NMD3: variants seen among roughly 807,000 people sequenced by gnomAD.
NMD3 encodes the protein 60S ribosomal export protein NMD3.
Under a neutral mutation model 73.1 loss-of-function variants are expected in NMD3, and 47 were observed. The ratio of observed to expected loss-of-function variants is 0.64; its 90% CI spans 0.51 to 0.82. NMD3 has a LOEUF of 0.82. NMD3 is among the 40% of genes least tolerant of loss of function. The probability of loss-of-function intolerance (pLI) is 0.00; values close to 1 mark genes in which losing one functional copy is unlikely to be tolerated. For missense variants in NMD3, 554 were observed against 612.5 expected, an observed-to-expected ratio of 0.90 and a Z score of 1.01; for synonymous variants, 210 against 194.5, an observed-to-expected ratio of 1.08 and a Z score of -0.66.
At chr3:161,234,202 A>G (rs766089238) in intron 5 of NMD3, among the ~76,000 whole-genome samples, 7 of 151,782 alleles carry the variant, frequency 4.6e-5, no homozygotes, top group Non-Finnish European at 1.0e-4. Flanking sequence ...GGTGGCTCAC[A>G]CCTGTGATCC....
rs1737466937 is a variant in NMD3, at chr3:161,251,001, A to G, written c.*91A>G. On this transcript the variant is annotated 3_prime_UTR_variant, in exon 16 of 16. Coordinates refer to ENST00000351193, the MANE Select transcript of NMD3 (RefSeq NM_015938.5). ...CTACTATCTTTGCCTCCAGATTTCA[A>G]GAGGAGAAATTTAGTTTTAAACCTG... 2 of 1,049,192 alleles carry G rather than the reference A, an allele frequency of 1.9e-6. No homozygotes were observed. Among genetic ancestry groups the G allele is most frequent in the Non-Finnish European group, 2.7e-6 (2 of 728,834 alleles). The allele number at this position is 1,049,192 out of a possible 1,614,324, so 65.0% of individuals were successfully genotyped here. A position where few individuals can be genotyped will look rare whatever the true frequency, so the allele number is the denominator to read the frequency against.
chr3:161,233,351 C>A, intron 4 of NMD3, 48 bp from the exon 5 acceptor site: 1 of 1,307,882 alleles, frequency 7.6e-7, no homozygotes, highest in South Asian at 1.3e-5. Context: ...TGTTTTTTTT[C>A]CTCCTAGGTG....
intron 5 of NMD3, among the ~76,000 whole-genome samples, chr3:161,234,265 A>T (rs1239429099): frequency 2.6e-5 from 4 of 151,764 alleles, no homozygotes; most frequent in Non-Finnish European, 5.9e-5. Flanking sequence ...GGAGTTCGAG[A>T]CCCCATCTCT....
chr3:161,232,112 C>G (rs1192443625), intron 4 of NMD3, among the ~76,000 whole-genome samples: 1 of 146,302 alleles, frequency 6.8e-6, no homozygotes, highest in Non-Finnish European at 1.5e-5. Flanking sequence ...AGGGGAAGAT[C>G]AGTCTTATTC....
At chr3:161,235,269 T>G in intron 7 of NMD3, 57 bp downstream of exon 7, 1 of 793,300 alleles carries the variant, frequency 1.3e-6, no homozygotes, top group South Asian at 1.7e-5. Context: ...TCAACATACC[T>G]AAGTAATCTT....
At chr3:161,230,604 T>C (rs768459719) in intron 4 of NMD3, among the ~76,000 whole-genome samples, 1 of 152,226 alleles carries the variant, frequency 6.6e-6, no homozygotes, top group African/African-American at 2.4e-5. Flanking sequence ...AATACATTTA[T>C]TTGTTAATTC....
intron 1 of NMD3, 71 bp from the exon 2 acceptor site, chr3:161,221,923 G>A: frequency 1.1e-6 from 1 of 938,788 alleles, no homozygotes; most frequent in Admixed American, 2.4e-5. Flanking sequence ...GTAAAAAGAG[G>A]AGACTAGGTA....
At chr3:161,247,480 T>G (rs932485271) in intron 13 of NMD3, 150 bp downstream of exon 13, 28 of 474,340 alleles carry the variant, frequency 5.9e-5, no homozygotes, top group African/African-American at 5.3e-4. Flanking sequence ...CAAAATTTTT[T>G]TTTTTTTTTT....
Position 161,250,709 on chromosome 3 carries a change from T to C in NMD3, c.1382-71T>C, listed in dbSNP as rs1371240034. ...TGATAAGGTAGATATTTGTATATTTTCAAATATATTTAATACTTTGTATAC... is the reference window on the plus strand; with the variant it reads ...TGATAAGGTAGATATTTGTATATTTCCAAATATATTTAATACTTTGTATAC... On this transcript the variant is annotated intron_variant, in intron 15 of 15. Transcript: ENST00000351193. The C allele has an allele frequency of 1.3e-5, 12 of 905,944 alleles. No homozygotes were observed. In the East Asian group the frequency reaches 3.3e-4, roughly 25 times the overall value. 56.1% of individuals were successfully genotyped at this position (905,944 alleles called of 1,614,324 possible).
In NMD3 at chr3:161,238,793, C is replaced by T. The variant is rs747734540; in HGVS notation, c.720C>T (p.Ser240=). The T allele has an allele frequency of 3.2e-6, 5 of 1,569,174 alleles. No homozygotes were observed. The highest frequency in any genetic ancestry group is 1.7e-4 in the Middle Eastern group (1 of 5,782). The part of the protein sequence containing the change: ...DIHSNTYNYK[S]TFSVEIVPIC... ...ATAGTAACACATACAATTACAAAAG[C>T]ACTTTTTCTGTGGAAATTGTTCCAA... Residue 240 remains serine (S), a synonymous_variant, in exon 9 of 16, where the codon AGC becomes AGT. Coordinates refer to ENST00000351193, the MANE Select transcript of NMD3 (RefSeq NM_015938.5).
chr3:161,246,306 A>T, intron 11 of NMD3, 30 bp from the exon 12 acceptor site: 2 of 773,370 alleles, frequency 2.6e-6, no homozygotes, highest in Non-Finnish European at 4.1e-6. Context: ...TGTTTAGATT[A>T]TTGAAGAGTA....
At chr3:161,229,749 A>G (rs999424327) in intron 4 of NMD3, among the ~76,000 whole-genome samples, 11 of 152,174 alleles carry the variant, frequency 7.2e-5, no homozygotes, top group African/African-American at 2.4e-4. Flanking sequence ...TAATTGGGTA[A>G]TGAGGAGGAA....
At position 161,249,531 on chromosome 3, in the gene NMD3, G is replaced by A; in HGVS notation, c.1281G>A (p.Glu427=). Residue 427 remains glutamate, a synonymous_variant, in exon 14 of 16, where the codon GAG becomes GAA. Coordinates refer to ENST00000351193, the MANE Select transcript of NMD3 (RefSeq NM_015938.5). Reference sequence around the variant, plus strand: ...GGAAATTGAAAGAGCTTGCAAGAGAGAGAGAAAACATGGATACAGATGATG... The same window carrying A: ...GGAAATTGAAAGAGCTTGCAAGAGAAAGAGAAAACATGGATACAGATGATG... ...RNWKLKELAR[E]RENMDTDDER... 2 of 1,611,668 alleles carry A rather than the reference G, an allele frequency of 1.2e-6. No individual in the cohort carries two copies. The highest frequency in any genetic ancestry group is 1.7e-6 in the Non-Finnish European group (2 of 1,178,088).
At chr3:161,236,899 C>T (rs749440831) in intron 7 of NMD3, among the ~76,000 whole-genome samples, 12 of 152,082 alleles carry the variant, frequency 7.9e-5, no homozygotes, top group Non-Finnish European at 1.5e-4. Flanking sequence ...GAAGTCTGCT[C>T]CCATTGATCT....
chr3:161,244,447 T>C (rs75841940), intron 11 of NMD3, among the ~76,000 whole-genome samples: 3,141 of 152,284 alleles, frequency 0.021, 73 homozygotes, highest in East Asian at 0.071. Flanking sequence ...AATTATTAAT[T>C]CTTTTAGCAA....
rs373122412 is a variant in NMD3 at position 161,249,494 on chromosome 3, G to C, written c.1244G>C (p.Arg415Pro). The C allele has an allele frequency of 6.8e-6, 11 of 1,612,622 alleles. No homozygotes were observed. The highest frequency in any genetic ancestry group is 2.2e-5 in the East Asian group (1 of 44,814). Residue 415 changes from arginine to proline, a missense_variant, in exon 14 of 16, where the codon CGT (arginine) becomes CCT (proline). Arg to Pro is a moderately radical substitution (Grantham distance 103). Coordinates refer to ENST00000351193, the MANE Select transcript of NMD3 (RefSeq NM_015938.5). ...KKSYDRTKRQRRRNWKLKELA... is the reference protein window; with the variant it reads ...KKSYDRTKRQPRRNWKLKELA... The stretch of plus-strand genomic sequence containing the variant: ...AGCTATGACCGGACCAAACGTCAGC[G>C]TCGTAGAAACTGGAAATTGAAAGAG...
rs1031015496 is a variant in NMD3, at chr3:161,252,022, T to G, written c.*1112T>G. On this transcript the variant is annotated 3_prime_UTR_variant, in exon 16 of 16. Transcript: ENST00000351193. Reference sequence around the variant, plus strand: ...TGAGCAAGTGCCACTGTGTGGAACATTTTTCTTTTTTTTAATATTGGACTT... The same window carrying G: ...TGAGCAAGTGCCACTGTGTGGAACAGTTTTCTTTTTTTTAATATTGGACTT... 11 of 152,132 alleles carry G rather than the reference T, an allele frequency of 7.2e-5. No individual in the cohort carries two copies. The highest frequency in any genetic ancestry group is 1.2e-4 in the Non-Finnish European group (8 of 68,006). 9.4% of individuals were successfully genotyped at this position (152,132 alleles called of 1,614,324 possible).
rs1416426821 is a variant in NMD3 at position 161,238,143 on chromosome 3, A to G, written c.608A>G (p.Gln203Arg). The G allele has an allele frequency of 6.2e-7, 1 of 1,606,488 alleles. No homozygotes were observed. Among genetic ancestry groups the G allele is most frequent in the African/African-American group, 1.3e-5 (1 of 74,302 alleles). The stretch of plus-strand genomic sequence containing the variant: ...CTGGATTTTTATTATTCCTCAAAAC[A>G]ACATGCTCAGAAGATGGTCGAATTT... ...DGLDFYYSSK[Q>R]HAQKMVEFLQ... Residue 203 changes from glutamine to arginine, a missense_variant, in exon 8 of 16, where the codon CAA (glutamine) becomes CGA (arginine). Gln to Arg is a conservative substitution (Grantham distance 43, BLOSUM62 1). Coordinates refer to ENST00000351193, the MANE Select transcript of NMD3 (RefSeq NM_015938.5).
intron 9 of NMD3, among the ~76,000 whole-genome samples, chr3:161,239,251 A>G (rs947690223): frequency 4.6e-5 from 7 of 152,216 alleles, no homozygotes; most frequent in Non-Finnish European, 8.8e-5. Flanking sequence ...AAATGAGATC[A>G]TAGAATCATT....
Sources: gnomAD v4.1 joint callset for allele counts (sites outside exome capture counted in the v4.1 genomes callset) on GRCh38, gnomAD v4.1.1 for gene constraint, MANE v1.5 for transcripts, NCBI Gene and HGNC (gene_info 2026-07-23, HGNC 2026-07-21) for gene names.